C1orf167: variants seen among roughly 807,000 people sequenced by gnomAD.
The protein encoded by C1orf167 is uncharacterized protein C1orf167.
C1orf167 carries 153 observed loss-of-function variants against 176.5 expected under a neutral mutation model. That is an observed-to-expected ratio of 0.87 (90% confidence interval 0.76 to 0.99). C1orf167 has a LOEUF of 0.99. Among genes scored for constraint, C1orf167 ranks in the 50% least tolerant of loss-of-function variants. The probability of loss-of-function intolerance (pLI) is 0.00; values close to 1 mark genes in which losing one functional copy is unlikely to be tolerated. For missense variants in C1orf167, 1,490 were observed against 1,817.7 expected (o/e 0.82, Z 3.28); for synonymous variants, 594 against 752.7 (o/e 0.79, Z 3.45).
In C1orf167 at chr1:11,766,377, C is replaced by A; in HGVS notation, c.591C>A (p.Gly197=). 1.6e-6 allele frequency: 2 copies of A among 1,268,188 alleles called. No individual in the cohort carries two copies. The allele number at this position is 1,268,188 out of a possible 1,614,324, so 78.6% of individuals were successfully genotyped here. Residue 197 remains glycine (G), a synonymous_variant, in exon 3 of 21, where the codon GGC becomes GGA. Transcript: ENST00000688073. This position sits in a 1 kb window ranked among gnomAD's most constrained non-coding sequence, Gnocchi z 4.5. ...FAPLDGHTQP[G]LRSWGGLGSW... ...CTCTCGATGGGCATACACAGCCAGG[C>A]CTCAGATCCTGGGGTGGTCTGGGGA...
intron 16 of C1orf167, 63 bp downstream of exon 16, chr1:11,785,352 G>A (rs1364729749): frequency 2.5e-6 from 3 of 1,221,718 alleles, no homozygotes; most frequent in Non-Finnish European, 3.2e-6. Context: ...GGGGGAGCCT[G>A]CTGCTGGACG....
At chr1:11,764,539 C>T in intron 2 of C1orf167, 69 bp downstream of exon 2, 1 of 1,231,956 alleles carries the variant, frequency 8.1e-7, no homozygotes, top group South Asian at 1.3e-5. Flanking sequence ...TGGCCCAGAG[C>T]CCCCCTCCCA....
rs148941039 is a variant in C1orf167 at position 11,779,404 on chromosome 1, C to T, written c.2651+324C>T. On this transcript the variant is annotated intron_variant, in intron 12 of 20. Transcript: ENST00000688073. ...TGGCTGTGTGATCTTGGGCAAGTTG[C>T]ATAACTTCTCTGTGCCCTATTTGCC... 267 of 218,960 alleles carry T rather than the reference C, an allele frequency of 1.2e-3. 1 individual carries two copies. The highest frequency in any genetic ancestry group is 5.8e-3 in the African/African-American group (250 of 43,144). 13.6% of individuals were successfully genotyped at this position (218,960 alleles called of 1,614,324 possible).
intron 15 of C1orf167, 67 bp from the exon 16 acceptor site, chr1:11,785,081 G>C (rs1254169606): frequency 3.4e-6 from 4 of 1,173,532 alleles, no homozygotes; most frequent in Non-Finnish European, 4.3e-6. Flanking sequence ...GCAGGGCACT[G>C]GGGGGGCTCC....
At chr1:11,783,195 A>G (rs1370664441) in intron 14 of C1orf167, among the ~76,000 whole-genome samples, 3 of 152,206 alleles carry the variant, frequency 2.0e-5, no homozygotes, top group Admixed American at 6.5e-5. Context: ...TGTTGGCTAC[A>G]GAATGGCTGA....
In C1orf167 at chr1:11,788,253, C is replaced by G; in HGVS notation, c.3953C>G (p.Pro1318Arg). The G allele has an allele frequency of 7.7e-7, 1 of 1,303,912 alleles. No individual in the cohort carries two copies. The highest frequency in any genetic ancestry group is 1.0e-6 in the Non-Finnish European group (1 of 988,642). 80.8% of individuals were successfully genotyped at this position (1,303,912 alleles called of 1,614,324 possible). A position where few individuals can be genotyped will look rare whatever the true frequency, so the allele number is the denominator to read the frequency against. ...HDALGHQEEV[P>R]AAPVPRGTAS... ...GCTCTTGGCCATCAGGAGGAAGTAC[C>G]TGCAGCGCCGGTGCCTCGAGGCACT... The change falls in exon 19 of 21, where the codon CCT becomes CGT. Residue 1318 changes from proline (P) to arginine (R), a missense_variant. Coordinates refer to ENST00000688073, the MANE Select transcript of C1orf167 (RefSeq NM_001010881.2).
chr1:11,786,275 G>A (rs1643866539), intron 16 of C1orf167: 1 of 152,270 alleles, frequency 6.6e-6, no homozygotes, highest in African/African-American at 2.4e-5. Flanking sequence ...CTGCACAGCA[G>A]TCTGGGGACA....
In C1orf167 at chr1:11,766,704, G is replaced by A. The variant is rs774502773; in HGVS notation, c.918G>A (p.Ala306=). 11 of 1,289,664 alleles carry A rather than the reference G, an allele frequency of 8.5e-6. No individual in the cohort carries two copies. The East Asian group carries it at 2.2e-4, about 26-fold the overall frequency. The allele number at this position is 1,289,664 out of a possible 1,614,324, so 79.9% of individuals were successfully genotyped here. Residue 306 remains alanine, a synonymous_variant, in exon 3 of 21, where the codon GCG becomes GCA. Transcript: ENST00000688073. The surrounding 1 kb of genome is among the most constrained non-coding windows in gnomAD (Gnocchi z 4.5). ...RRRLRGHRET[A]AFLETPASLS... is the part of the protein sequence containing the mutation. ...GCCTTCGAGGCCACAGGGAAACTGC[G>A]GCTTTCTTGGAGACCCCGGCTAGTC...
Position 11,766,301 on chromosome 1 carries a change from C to T in C1orf167, c.515C>T (p.Pro172Leu), listed in dbSNP as rs1395674375. The change falls in exon 3 of 21, where the codon CCG becomes CTG. Residue 172 changes from proline (P) to leucine (L), a missense_variant. Coordinates refer to ENST00000688073, the MANE Select transcript of C1orf167 (RefSeq NM_001010881.2). The surrounding 1 kb of genome is among the most constrained non-coding windows in gnomAD (Gnocchi z 4.5). ...TCCTGCCTGAGGCAGTCCGGGCTGC[C>T]GGCCCCAGGCACCCCTAGCGGGGAC... is the stretch of plus-strand genomic sequence containing the variant. The part of the protein sequence containing the change: ...PSSCLRQSGL[P>L]APGTPSGDFR... The T allele has an allele frequency of 2.2e-5, 28 of 1,289,246 alleles. No homozygotes were observed. The Admixed American group carries it at 3.9e-4, about 18-fold the overall frequency. The allele number at this position is 1,289,246 out of a possible 1,614,324, so 79.9% of individuals were successfully genotyped here.
chr1:11,781,560 G>A (rs955426839), intron 13 of C1orf167, among the ~76,000 whole-genome samples: 1 of 152,100 alleles, frequency 6.6e-6, no homozygotes, highest in Non-Finnish European at 1.5e-5. Flanking sequence ...ATCATTCCCC[G>A]GCAGGAACAC....
rs1362324128 is a variant in C1orf167, at chr1:11,771,494, C to T, written c.1698-30C>T. 2.4e-6 allele frequency: 3 copies of T among 1,274,572 alleles called. No individual in the cohort carries two copies. In the East Asian group the frequency reaches 1.7e-4, roughly 71 times the overall value. The allele number at this position is 1,274,572 out of a possible 1,614,324, so 79.0% of individuals were successfully genotyped here. On this transcript the variant is annotated intron_variant, in intron 6 of 20. Coordinates refer to ENST00000688073, the MANE Select transcript of C1orf167 (RefSeq NM_001010881.2). ...CCGAGTGCCCTTCCTCCCGGGTCAT[C>T]AGCTTCTCTCTGGGCAACTTTGCTT...
chr1:11,781,050 T>G (rs370448023), intron 13 of C1orf167, among the ~76,000 whole-genome samples: 2 of 128,844 alleles, frequency 1.6e-5, no homozygotes, highest in Non-Finnish European at 3.1e-5. Flanking sequence ...TGCCCAGGCA[T>G]GCAGTGGTGC....
In C1orf167 at chr1:11,766,159, C is replaced by T; in HGVS notation, c.373C>T (p.Leu125=). The T allele has an allele frequency of 7.8e-7, 1 of 1,289,868 alleles. No homozygotes were observed. The highest frequency in any genetic ancestry group is 1.0e-6 in the Non-Finnish European group (1 of 988,868). The allele number at this position is 1,289,868 out of a possible 1,614,324, so 79.9% of individuals were successfully genotyped here. A position where few individuals can be genotyped will look rare whatever the true frequency, so the allele number is the denominator to read the frequency against. Reference sequence around the variant, plus strand: ...AGAGTTTGCCATCCAGCAGAGCAACCTGAGCATCAACGAGACCAGCAGCCC... The same window carrying T: ...AGAGTTTGCCATCCAGCAGAGCAACTTGAGCATCAACGAGACCAGCAGCCC... ...AREFAIQQSN[L]SINETSSPHL... is the part of the protein sequence containing the mutation. Residue 125 remains leucine, a synonymous_variant, in exon 3 of 21, where the codon CTG becomes TTG. Transcript: ENST00000688073. This position sits in a 1 kb window ranked among gnomAD's most constrained non-coding sequence, Gnocchi z 4.5.
chr1:11,776,520 C>T lies in C1orf167; in HGVS notation c.2221C>T (p.Gln741Ter). Residue 741 changes from glutamine to a stop codon, truncating the protein, a stop_gained, in exon 10 of 21, where the codon CAG becomes TAG. Coordinates refer to ENST00000688073, the MANE Select transcript of C1orf167 (RefSeq NM_001010881.2). LOFTEE classifies it high-confidence loss of function. ...AGCCTGTGGCCTGGGTGCAGTGGGC[C>T]AGGCCCAGGGGCAGCAGGAGCAAGG... ...PGACGLGAVGQAQGQQEQGRG... is the reference protein window; with the variant it reads ...PGACGLGAVG The T allele has an allele frequency of 7.7e-7, 1 of 1,299,240 alleles. No individual in the cohort carries two copies. The highest frequency in any genetic ancestry group is 1.0e-6 in the Non-Finnish European group (1 of 986,752). 80.5% of individuals were successfully genotyped at this position (1,299,240 alleles called of 1,614,324 possible).
intron 6 of C1orf167, among the ~76,000 whole-genome samples, chr1:11,770,458 T>TC (rs1251204168): frequency 6.6e-6 from 1 of 151,498 alleles, no homozygotes; most frequent in Non-Finnish European, 1.5e-5. Context: ...TCTTTTTTTT[T>TC]TTTTCGAGTC....
At chr1:11,780,324 T>C (rs1643535546) in intron 13 of C1orf167, among the ~76,000 whole-genome samples, 1 of 152,204 alleles carries the variant, frequency 6.6e-6, no homozygotes, top group African/African-American at 2.4e-5. Flanking sequence ...CTCTTACACA[T>C]TGTGCTATGA....
rs544096469 is a variant in C1orf167, at chr1:11,768,513, C to A, written c.1542+238C>A. 6.6e-6 allele frequency among the ~76,000 whole-genome samples: 1 copy of A among 152,188 alleles called. No homozygotes were observed. Among genetic ancestry groups the A allele is most frequent in the Non-Finnish European group, 1.5e-5 (1 of 68,040 alleles). ...GGGCAAGTTACCTAACCTCTCTGTG[C>A]CCCAGTCTCTTTATCTCTAAAATGG... On this transcript the variant is annotated intron_variant, in intron 5 of 20. Coordinates refer to ENST00000688073, the MANE Select transcript of C1orf167 (RefSeq NM_001010881.2). This position sits in a 1 kb window ranked among gnomAD's most constrained non-coding sequence, Gnocchi z 4.5.
In C1orf167 at chr1:11,784,185, C is replaced by T. The variant is rs1643729160; in HGVS notation, c.3017C>T (p.Ala1006Val). The change falls in exon 15 of 21, where the codon GCC (alanine) becomes GTC (valine). Residue 1006 changes from alanine to valine, a missense_variant. Coordinates refer to ENST00000688073, the MANE Select transcript of C1orf167 (RefSeq NM_001010881.2). The stretch of plus-strand genomic sequence containing the variant: ...TGTCTGTTTTGCAGCTACTTCCAGG[C>T]CTGGTGTGAGGTTGTAAGAGACACG... The part of the protein sequence containing the change: ...EQLLLQSYFQ[A>V]WCEVVRDTGV... 5 of 1,233,814 alleles carry T rather than the reference C, an allele frequency of 4.1e-6. No homozygotes were observed. Among genetic ancestry groups the T allele is most frequent in the Middle Eastern group, 2.3e-4 (1 of 4,362 alleles). The allele number at this position is 1,233,814 out of a possible 1,614,324, so 76.4% of individuals were successfully genotyped here. A position where few individuals can be genotyped will look rare whatever the true frequency, so the allele number is the denominator to read the frequency against.
rs1315087670 is a variant in C1orf167, at chr1:11,784,218, T to G, written c.3050T>G (p.Leu1017Arg). Residue 1017 changes from leucine to arginine, a missense_variant, in exon 15 of 21, where the codon CTC (leucine) becomes CGC (arginine). Transcript: ENST00000688073. ...GAGGTTGTAAGAGACACGGGGGTGCTCCGGGCCCAGCATCAAGCCTTTCAG... is the reference window on the plus strand; with the variant it reads ...GAGGTTGTAAGAGACACGGGGGTGCGCCGGGCCCAGCATCAAGCCTTTCAG... The part of the protein sequence containing the change: ...WCEVVRDTGV[L>R]RAQHQAFQDG... 8 of 1,278,206 alleles carry G rather than the reference T, an allele frequency of 6.3e-6. No individual in the cohort carries two copies. In the South Asian group the frequency reaches 1.0e-4, roughly 17 times the overall value. 79.2% of individuals were successfully genotyped at this position (1,278,206 alleles called of 1,614,324 possible). A position where few individuals can be genotyped will look rare whatever the true frequency, so the allele number is the denominator to read the frequency against.
Sources: allele counts gnomAD v4.1 joint callset (sites outside exome capture counted in the v4.1 genomes callset), GRCh38; gene constraint gnomAD v4.1.1; non-coding constraint Gnocchi (gnomAD v3.1); transcripts MANE v1.5; gene names NCBI Gene and HGNC (gene_info 2026-07-23, HGNC 2026-07-21).